PTPN14: variants seen among roughly 807,000 people sequenced by gnomAD.
PTPN14 encodes protein tyrosine phosphatase non-receptor type 14.
In PTPN14, 53 loss-of-function variants were observed where a neutral mutation model predicts 126.8. That is an observed-to-expected ratio of 0.42 (90% CI 0.34 to 0.53). The LOEUF (loss-of-function observed/expected upper bound fraction) is 0.53, where lower values mean the gene tolerates loss of function less well. Among genes scored for constraint, PTPN14 ranks in the 20% least tolerant of loss-of-function variants. The pLI, the probability that PTPN14 is intolerant of heterozygous loss-of-function variation, is 0.08. For synonymous variants in PTPN14, 630 were observed against 599.3 expected (o/e 1.05, Z -0.75); for missense variants, 1,257 against 1,552.9 (o/e 0.81, Z 3.20).
In PTPN14 at chr1:214,390,984, A is replaced by G. The variant is rs1157824268; in HGVS notation, c.987+4T>C. The G allele has an allele frequency of 6.5e-7, 1 of 1,546,318 alleles. No individual in the cohort carries two copies. The highest frequency in any genetic ancestry group is 8.8e-7 in the Non-Finnish European group (1 of 1,130,956). On this transcript the variant is annotated splice_donor_region_variant and intron_variant, in intron 11 of 18. Coordinates refer to ENST00000366956, the MANE Select transcript of PTPN14 (RefSeq NM_005401.5). ...CACTTGATCACTGCAGCTTCTATAC[A>G]TACCAGAGAGGATCGGCTCCAGGTG... is the stretch of plus-strand genomic sequence containing the variant.
chr1:214,416,477 A>G (rs1361790494), intron 3 of PTPN14, among the ~76,000 whole-genome samples: 3 of 152,208 alleles, frequency 2.0e-5, no homozygotes, highest in Admixed American at 2.0e-4. Flanking sequence ...ATCTACAGCT[A>G]CCATTTGTAT....
chr1:214,534,733 A>AATAC (rs1553276446), intron 1 of PTPN14, among the ~76,000 whole-genome samples: 1 of 151,746 alleles, frequency 6.6e-6, no homozygotes, highest in Admixed American at 6.6e-5. Context: ...TAAATAAATA[A>AATAC]ATAAATAAAA....
chr1:214,455,651 T>C (rs957520978), intron 2 of PTPN14, among the ~76,000 whole-genome samples: 4 of 152,326 alleles, frequency 2.6e-5, no homozygotes, highest in African/African-American at 9.6e-5. Context: ...TTACAAAAAA[T>C]GCACTACGAT....
At chr1:214,399,583 G>A (rs907223524) in intron 7 of PTPN14, among the ~76,000 whole-genome samples, 4 of 152,160 alleles carry the variant, frequency 2.6e-5, no homozygotes, top group Non-Finnish European at 4.4e-5. Context: ...CTGCACAGAG[G>A]CCAAAACTTT....
chr1:214,458,802 T>A (rs1235428599), intron 2 of PTPN14, among the ~76,000 whole-genome samples: 1 of 152,160 alleles, frequency 6.6e-6, no homozygotes, highest in Non-Finnish European at 1.5e-5. Flanking sequence ...AGGCTAGTTA[T>A]TTTCAAACTG....
At chr1:214,478,051 T>C (rs1660903720) in intron 1 of PTPN14, among the ~76,000 whole-genome samples, 1 of 152,224 alleles carries the variant, frequency 6.6e-6, no homozygotes, top group Non-Finnish European at 1.5e-5. Context: ...CAAAGTTTTA[T>C]ATATTATTTG....
intron 8 of PTPN14, among the ~76,000 whole-genome samples, chr1:214,395,421 T>C (rs1018468278): frequency 1.3e-5 from 2 of 152,090 alleles, no homozygotes; most frequent in Admixed American, 6.6e-5. Flanking sequence ...GCACTACAGA[T>C]TCATGATGCC....
chr1:214,430,416 C>T (rs1659773414), intron 3 of PTPN14, among the ~76,000 whole-genome samples: 2 of 152,164 alleles, frequency 1.3e-5, no homozygotes, highest in Admixed American at 1.3e-4. Context: ...GCCACGATAT[C>T]CATATATTTG....
chr1:214,472,823 G>A (rs1388425205), intron 1 of PTPN14, among the ~76,000 whole-genome samples: 1 of 152,142 alleles, frequency 6.6e-6, no homozygotes, highest in African/African-American at 2.4e-5. Flanking sequence ...TCTTATACTG[G>A]GGGTATTCTC....
intron 18 of PTPN14, among the ~76,000 whole-genome samples, chr1:214,363,464 CA>C (rs1175463713): frequency 6.6e-6 from 1 of 152,132 alleles, no homozygotes; most frequent in Non-Finnish European, 1.5e-5. Flanking sequence ...TGCAACAAAT[CA>C]TTCTGTAATT....
intron 16 of PTPN14, among the ~76,000 whole-genome samples, chr1:214,371,806 T>G (rs1658225278): frequency 6.6e-6 from 1 of 152,200 alleles, no homozygotes; most frequent in South Asian, 2.1e-4. Flanking sequence ...TCCCTTTCAT[T>G]ATTTTCTTCT....
At chr1:214,482,341 TTAAAC>T (rs1661009070) in intron 1 of PTPN14, among the ~76,000 whole-genome samples, 1 of 152,242 alleles carries the variant, frequency 6.6e-6, no homozygotes, top group Non-Finnish European at 1.5e-5. Context: ...TGGAGTTTAT[TTAAAC>T]TAAGAGAAAA....
intron 3 of PTPN14, among the ~76,000 whole-genome samples, chr1:214,438,352 T>C (rs374418367): frequency 2.0e-5 from 3 of 152,300 alleles, no homozygotes; most frequent in East Asian, 3.9e-4. Context: ...GGCCGCGTCC[T>C]CTGCAGCAGA....
chr1:214,448,357 C>T (rs955942783), intron 3 of PTPN14, among the ~76,000 whole-genome samples: 9 of 151,618 alleles, frequency 5.9e-5, no homozygotes, highest in Non-Finnish European at 1.2e-4. Context: ...CAGACTCCCG[C>T]GTAGCTGGGA....
chr1:214,435,619 T>C (rs993119287), intron 3 of PTPN14, among the ~76,000 whole-genome samples: 14 of 152,086 alleles, frequency 9.2e-5, no homozygotes, highest in African/African-American at 3.1e-4. Flanking sequence ...GAAGAAGACA[T>C]ATATGTGGCC....
At chr1:214,521,753 G>T (rs997989157) in intron 1 of PTPN14, among the ~76,000 whole-genome samples, 29 of 151,460 alleles carry the variant, frequency 1.9e-4, no homozygotes, top group Admixed American at 1.9e-3. Flanking sequence ...ACGAACAAAA[G>T]AACTAGAAGA....
In PTPN14 at chr1:214,396,440, C is replaced by T. The variant is rs151330586; in HGVS notation, c.759-1454G>A. ...CTACAGTTCTATCAGATTACATCTACGTGGACTCATAGCTACATGCTCCTT... is the reference window on the plus strand; with the variant it reads ...CTACAGTTCTATCAGATTACATCTATGTGGACTCATAGCTACATGCTCCTT... On this transcript the variant is annotated intron_variant, in intron 8 of 18. Coordinates refer to ENST00000366956, the MANE Select transcript of PTPN14 (RefSeq NM_005401.5). 6.5e-4 allele frequency among the ~76,000 whole-genome samples: 99 copies of T among 152,288 alleles called. 2 individuals carry two copies. The East Asian group carries it at 0.019, about 28-fold the overall frequency.
rs1657711180 is a variant in PTPN14, at chr1:214,351,656, A to G, written c.*6266T>C. On this transcript the variant is annotated 3_prime_UTR_variant, in exon 19 of 19. Coordinates refer to ENST00000366956, the MANE Select transcript of PTPN14 (RefSeq NM_005401.5). ...GGAAGATGGTGCTTTTGATCAGCAAATCCAGGCAAATATGATAAACCACAC... is the reference window on the plus strand; with the variant it reads ...GGAAGATGGTGCTTTTGATCAGCAAGTCCAGGCAAATATGATAAACCACAC... 6.6e-6 allele frequency: 1 copy of G among 152,276 alleles called. No homozygotes were observed. The highest frequency in any genetic ancestry group is 2.4e-5 in the African/African-American group (1 of 41,464). 9.4% of individuals were successfully genotyped at this position (152,276 alleles called of 1,614,324 possible).
At chr1:214,501,718 T>C (rs939453103) in intron 1 of PTPN14, among the ~76,000 whole-genome samples, 7 of 152,094 alleles carry the variant, frequency 4.6e-5, no homozygotes, top group East Asian at 1.9e-4. Context: ...AGGCGTAGTA[T>C]AGAGAAAAAC....
Sources: allele counts gnomAD v4.1 joint callset (sites outside exome capture counted in the v4.1 genomes callset), GRCh38; gene constraint gnomAD v4.1.1; transcripts MANE v1.5; gene names NCBI Gene and HGNC (gene_info 2026-07-23, HGNC 2026-07-21).